Variants in NEGR1 observed in about 807,000 individuals in gnomAD.
The protein encoded by NEGR1 is IgLON family member 4.
NEGR1 carries 10 observed loss-of-function variants against 40.9 expected under a neutral mutation model. The ratio of observed to expected loss-of-function variants is 0.24; its 90% CI spans 0.15 to 0.42. The LOEUF (loss-of-function observed/expected upper bound fraction) is 0.42, where lower values mean the gene tolerates loss of function less well. NEGR1 is among the 10% of genes least tolerant of loss of function. NEGR1 has a pLI of 1.00. For synonymous variants in NEGR1, 185 were observed against 166.8 expected (o/e 1.11, Z -0.84); for missense variants, 352 against 438.9 (o/e 0.80, Z 1.77).
At chr1:71,790,055 A>C (rs572659994) in intron 2 of NEGR1, among the ~76,000 whole-genome samples, 2 of 152,252 alleles carry the variant, frequency 1.3e-5, no homozygotes, top group East Asian at 3.9e-4. Context: ...AACCCAATTT[A>C]CCTTTTGAGT....
At chr1:72,055,075 G>A (rs946485828) in intron 1 of NEGR1, among the ~76,000 whole-genome samples, 19 of 151,072 alleles carry the variant, frequency 1.3e-4, no homozygotes, top group Admixed American at 5.3e-4. Flanking sequence ...AATAGGTGAC[G>A]TAGACCACAT....
chr1:72,093,702 C>T (rs1648585411), intron 1 of NEGR1, among the ~76,000 whole-genome samples: 2 of 151,962 alleles, frequency 1.3e-5, no homozygotes, highest in African/African-American at 4.8e-5. Context: ...TCATTTAGGC[C>T]TTACTTATAA....
chr1:71,522,482 G>T (rs767131737), intron 6 of NEGR1, among the ~76,000 whole-genome samples: 2 of 151,740 alleles, frequency 1.3e-5, no homozygotes, highest in Admixed American at 6.6e-5. Flanking sequence ...GGTTTAAGTG[G>T]AGGAGAGTGG....
intron 2 of NEGR1, among the ~76,000 whole-genome samples, chr1:71,843,055 G>A (rs979686443): frequency 1.3e-5 from 2 of 152,088 alleles, no homozygotes; most frequent in Non-Finnish European, 2.9e-5. Context: ...ATTTTTAAGG[G>A]AAAGTAATCA....
At chr1:72,106,649 T>C (rs1390956191) in intron 1 of NEGR1, among the ~76,000 whole-genome samples, 1 of 151,932 alleles carries the variant, frequency 6.6e-6, no homozygotes, top group Non-Finnish European at 1.5e-5. Context: ...GAAAAACTAA[T>C]AATAGAAATT....
intron 2 of NEGR1, among the ~76,000 whole-genome samples, chr1:71,842,003 A>G (rs2101803181): frequency 6.6e-6 from 1 of 152,290 alleles, no homozygotes; most frequent in Non-Finnish European, 1.5e-5. Flanking sequence ...ACTGCTACTT[A>G]GCAGTAGAGG....
At chr1:71,707,958 C>T (rs1173958714) in intron 3 of NEGR1, among the ~76,000 whole-genome samples, 6 of 151,940 alleles carry the variant, frequency 3.9e-5, no homozygotes, top group African/African-American at 1.2e-4. Flanking sequence ...TTGGGATGCC[C>T]GTAAAGCAGG....
chr1:71,735,332 C>T (rs1655010721), intron 3 of NEGR1, among the ~76,000 whole-genome samples: 1 of 152,138 alleles, frequency 6.6e-6, no homozygotes, highest in Non-Finnish European at 1.5e-5. Context: ...ATTTTTACCT[C>T]GATAGTGATT....
intron 4 of NEGR1, among the ~76,000 whole-genome samples, chr1:71,613,649 C>G (rs1345230896): frequency 2.7e-5 from 4 of 147,716 alleles, no homozygotes; most frequent in Admixed American, 2.7e-4. Context: ...AAGCGAAACT[C>G]CATCTCGAAA....
intron 4 of NEGR1, among the ~76,000 whole-genome samples, chr1:71,653,317 G>A (rs1247392187): frequency 6.6e-6 from 1 of 152,114 alleles, no homozygotes; most frequent in Non-Finnish European, 1.5e-5. Flanking sequence ...AAAACATGAA[G>A]CAATTTAAAA....
chr1:71,626,807 A>C (rs1232485443), intron 4 of NEGR1, among the ~76,000 whole-genome samples: 3 of 151,658 alleles, frequency 2.0e-5, no homozygotes, highest in Admixed American at 2.0e-4. Flanking sequence ...CAAGAAAAAA[A>C]CAAACAACCC....
chr1:71,441,115 C>A (rs1358427255), intron 6 of NEGR1, among the ~76,000 whole-genome samples: 3 of 152,170 alleles, frequency 2.0e-5, no homozygotes, highest in Non-Finnish European at 2.9e-5. Context: ...AAACAATTAT[C>A]AGTACAAATG....
intron 1 of NEGR1, among the ~76,000 whole-genome samples, chr1:72,077,626 CAATAAATAAATAAATAAATA>C (rs3080202): frequency 1.4e-5 from 2 of 146,860 alleles, no homozygotes; most frequent in Admixed American, 6.8e-5. Context: ...TCTGTCTCTA[CAATAAATAAATAAATAAATA>C]AATAAATAAA....
At chr1:72,094,031 A>G (rs1648601669) in intron 1 of NEGR1, among the ~76,000 whole-genome samples, 1 of 152,162 alleles carries the variant, frequency 6.6e-6, no homozygotes, top group Non-Finnish European at 1.5e-5. Flanking sequence ...GACTTATTTC[A>G]TCCCTTTTCT....
At chr1:72,214,533 T>C (rs1311348867) in intron 1 of NEGR1, among the ~76,000 whole-genome samples, 2 of 152,084 alleles carry the variant, frequency 1.3e-5, no homozygotes, top group Non-Finnish European at 1.5e-5. Flanking sequence ...GGATACAAAA[T>C]TGATGTGCAA....
At chr1:71,927,308 C>G (rs1415721929) in intron 2 of NEGR1, among the ~76,000 whole-genome samples, 1 of 152,050 alleles carries the variant, frequency 6.6e-6, no homozygotes, top group Non-Finnish European at 1.5e-5. Flanking sequence ...AAAAGCTTAC[C>G]CCACATAAGC....
chr1:71,918,187 A>C (rs1661652969), intron 2 of NEGR1, among the ~76,000 whole-genome samples: 2 of 127,562 alleles, frequency 1.6e-5, no homozygotes, highest in Admixed American at 9.4e-5. Context: ...ACTGCACTCT[A>C]GCCTGGGCGA....
In NEGR1 at chr1:71,396,431, A is replaced by G. The variant is rs1050002758; in HGVS notation, c.*11015T>C. On this transcript the variant is annotated 3_prime_UTR_variant, in exon 7 of 7. Coordinates refer to ENST00000357731, the MANE Select transcript of NEGR1 (RefSeq NM_173808.3). The stretch of plus-strand genomic sequence containing the variant: ...AGGTTATCTGAGAAACGTTAAGGTC[A>G]ACCACTTTTCAGTGTAAATTAAATC... The G allele has an allele frequency of 6.6e-6, 1 of 152,266 alleles. No individual in the cohort carries two copies. The highest frequency in any genetic ancestry group is 2.4e-5 in the African/African-American group (1 of 41,472). The allele number at this position is 152,266 out of a possible 1,614,324, so 9.4% of individuals were successfully genotyped here. A position where few individuals can be genotyped will look rare whatever the true frequency, so the allele number is the denominator to read the frequency against.
intron 1 of NEGR1, among the ~76,000 whole-genome samples, chr1:72,248,651 T>C (rs1654987456): frequency 6.7e-6 from 1 of 150,194 alleles, no homozygotes; most frequent in African/African-American, 2.4e-5. Flanking sequence ...CAGGCTGCAG[T>C]ATAGTGGTGC....
Sources: gnomAD v4.1 joint callset for allele counts (sites outside exome capture counted in the v4.1 genomes callset) on GRCh38, gnomAD v4.1.1 for gene constraint, MANE v1.5 for transcripts, NCBI Gene and HGNC (gene_info 2026-07-23, HGNC 2026-07-21) for gene names.